LRRC46: variants seen among roughly 807,000 people sequenced by gnomAD.
The protein encoded by LRRC46 is leucine-rich repeat-containing protein 46.
A neutral mutation model predicts 28.0 loss-of-function variants in LRRC46; 20 were observed. The ratio of observed to expected loss-of-function variants is 0.71; its 90% CI spans 0.50 to 1.04. The LOEUF (loss-of-function observed/expected upper bound fraction) is 1.04. LRRC46 is among the 50% of genes least tolerant of loss of function. The probability of loss-of-function intolerance (pLI) is 0.00; values close to 1 mark genes in which losing one functional copy is unlikely to be tolerated. For missense variants in LRRC46, 315 were observed against 390.1 expected, an observed-to-expected ratio of 0.81 and a Z score of 1.62; for synonymous variants, 156 against 158.8, an observed-to-expected ratio of 0.98 and a Z score of 0.13.
Position 47,836,369 on chromosome 17 carries a change from C to A in LRRC46, c.489C>A (p.Asp163Glu). ...LVTEALPLLL[D>E]LDGQPVVERW... is the part of the protein sequence containing the mutation. ...CAGAAGCCCTGCCACTTCTCCTGGA[C>A]CTGGACGGGCAGCCTGTGGTGGAGC... The change falls in exon 7 of 8, where the codon GAC (aspartate) becomes GAA (glutamate). Residue 163 changes from aspartate (D) to glutamate (E), a missense_variant. Physicochemically the swap from Asp to Glu is conservative, Grantham distance 45. Transcript: ENST00000269025. The surrounding 1 kb of genome is among the most constrained non-coding windows in gnomAD (Gnocchi z 5.8). The A allele has an allele frequency of 6.2e-7, 1 of 1,614,136 alleles. No homozygotes were observed.
Position 47,836,464 on chromosome 17 carries a change from G to T in LRRC46, c.584G>T (p.Cys195Phe), listed in dbSNP as rs376286427. ...EEFPELSGPF[C>F]SERGFLKELE... ...TTCCCAGAGCTGAGTGGCCCATTCT[G>T]CTCAGAACGAGGTGACCCTGCTTTC... Residue 195 changes from cysteine (C) to phenylalanine (F), a missense_variant, in exon 7 of 8, where the codon TGC becomes TTC. Coordinates refer to ENST00000269025, the MANE Select transcript of LRRC46 (RefSeq NM_033413.4). The surrounding 1 kb of genome is among the most constrained non-coding windows in gnomAD (Gnocchi z 5.8). 1.2e-6 allele frequency: 2 copies of T among 1,613,950 alleles called. No individual in the cohort carries two copies. The highest frequency in any genetic ancestry group is 2.7e-5 in the African/African-American group (2 of 74,902).
At position 47,832,144 on chromosome 17, in the gene LRRC46, GA is replaced by G; in HGVS notation, c.57del (p.Ala20ProfsTer8). On this transcript the variant is annotated frameshift_variant, in exon 2 of 8. Transcript: ENST00000269025. LOFTEE classifies it high-confidence loss of function. The stretch of plus-strand genomic sequence containing the variant: ...AGAGGAAGGGGGCGTCTGCATCACT[GA>G]AGCCCTTATCACTAAGCGGAACTTG... ...GPEEGGVCIT[E>X]ALITKRNLTF... 6.2e-7 allele frequency: 1 copy of G among 1,609,062 alleles called. No homozygotes were observed.
rs989943646 is a variant in LRRC46 at position 47,837,243 on chromosome 17, T to C, written c.*123T>C. ...CTCTAGGCCCTGAGTATGCTTTTCA[T>C]GTCACTTGGGGTATCTCAGGGGAAG... On this transcript the variant is annotated 3_prime_UTR_variant, in exon 8 of 8. Coordinates refer to ENST00000269025, the MANE Select transcript of LRRC46 (RefSeq NM_033413.4). 2 of 1,343,576 alleles carry C rather than the reference T, an allele frequency of 1.5e-6. No homozygotes were observed. Among genetic ancestry groups the C allele is most frequent in the African/African-American group, 1.5e-5 (1 of 67,782 alleles). The allele number at this position is 1,343,576 out of a possible 1,614,324, so 83.2% of individuals were successfully genotyped here.
Position 47,837,225 on chromosome 17 carries a change from C to A in LRRC46, c.*105C>A. On this transcript the variant is annotated 3_prime_UTR_variant, in exon 8 of 8. Transcript: ENST00000269025. ...CCATCCCCAGTAAAGTGTCTCTAGG[C>A]CCTGAGTATGCTTTTCATGTCACTT... is the stretch of plus-strand genomic sequence containing the variant. 3 of 1,454,326 alleles carry A rather than the reference C, an allele frequency of 2.1e-6. No homozygotes were observed. Among genetic ancestry groups the A allele is most frequent in the Non-Finnish European group, 2.8e-6 (3 of 1,081,448 alleles). 90.1% of individuals were successfully genotyped at this position (1,454,326 alleles called of 1,614,324 possible).
In LRRC46 at chr17:47,836,922, A is replaced by C; in HGVS notation, c.768A>C (p.Gln256His). The C allele has an allele frequency of 6.2e-7, 1 of 1,613,730 alleles. No homozygotes were observed. Among genetic ancestry groups the C allele is most frequent in the Non-Finnish European group, 8.5e-7 (1 of 1,179,950 alleles). ...GDSSPSATPA[Q>H]GEETVPEAVS... is the part of the protein sequence containing the mutation. Reference sequence around the variant, plus strand: ...GCAGCCCTTCTGCCACTCCTGCGCAAGGGGAGGAGACAGTCCCTGAGGCCG... The same window carrying C: ...GCAGCCCTTCTGCCACTCCTGCGCACGGGGAGGAGACAGTCCCTGAGGCCG... The change falls in exon 8 of 8, where the codon CAA becomes CAC. Residue 256 changes from glutamine to histidine, a missense_variant. Physicochemically the swap from Gln to His is conservative, Grantham distance 24 (BLOSUM62 0). Coordinates refer to ENST00000269025, the MANE Select transcript of LRRC46 (RefSeq NM_033413.4). The surrounding 1 kb of genome is among the most constrained non-coding windows in gnomAD (Gnocchi z 5.8).
chr17:47,831,896 C>T lies in LRRC46; in HGVS notation c.-94C>T. 1.3e-6 allele frequency: 2 copies of T among 1,537,818 alleles called. No homozygotes were observed. The highest frequency in any genetic ancestry group is 2.3e-5 in the South Asian group (2 of 88,510). On this transcript the variant is annotated 5_prime_UTR_variant, in exon 1 of 8. Transcript: ENST00000269025. Reference sequence around the variant, plus strand: ...CTAAGTCTCTGAGTTTCTCTCTCCTCCTGCCATCCTGAGTTCTGCCATCCT... The same window carrying T: ...CTAAGTCTCTGAGTTTCTCTCTCCTTCTGCCATCCTGAGTTCTGCCATCCT...
intron 5 of LRRC46, 37 bp downstream of exon 5, chr17:47,835,812 C>G: frequency 6.4e-7 from 1 of 1,553,980 alleles, no homozygotes; most frequent in Non-Finnish European, 8.9e-7. Flanking sequence ...CAAACACATC[C>G]CCTGTGGGGC....
At chr17:47,833,327 A>ATTCTTTCTTTCTTTCT (rs368178077) in intron 2 of LRRC46, among the ~76,000 whole-genome samples, 6 of 149,740 alleles carry the variant, frequency 4.0e-5, no homozygotes, top group African/African-American at 1.5e-4. Context: ...GTTTGGCCTT[A>ATTCTTTCTTTCTTTCT]TTCTTTCTTT....
intron 2 of LRRC46, chr17:47,833,748 CTCTT>C: frequency 1.2e-5 from 1 of 83,464 alleles, no homozygotes; most frequent in African/African-American, 2.9e-5. Context: ...CTCGCCCAGC[CTCTT>C]TTTTTTTTTT....
rs1027833569 is a variant in LRRC46 at position 47,836,622 on chromosome 17, G to A, written c.596-128G>A. On this transcript the variant is annotated intron_variant, in intron 7 of 7. Coordinates refer to ENST00000269025, the MANE Select transcript of LRRC46 (RefSeq NM_033413.4). The surrounding 1 kb of genome is among the most constrained non-coding windows in gnomAD (Gnocchi z 5.8). Reference sequence around the variant, plus strand: ...GGGCCAGAGCCAGGTGTCAGTCCTGGGCCCCAGCCTCAGGCTCCTTCCCAC... The same window carrying A: ...GGGCCAGAGCCAGGTGTCAGTCCTGAGCCCCAGCCTCAGGCTCCTTCCCAC... The A allele has an allele frequency of 2.0e-6, 3 of 1,491,766 alleles. No individual in the cohort carries two copies. The South Asian group carries it at 3.9e-5, about 19-fold the overall frequency. 92.4% of individuals were successfully genotyped at this position (1,491,766 alleles called of 1,614,324 possible).
rs566800831 is a variant in LRRC46, at chr17:47,832,056, T to G, written c.11-44T>G. 462 of 1,613,880 alleles carry G rather than the reference T, an allele frequency of 2.9e-4. 8 individuals are homozygous for G. In the South Asian group the frequency reaches 4.9e-3, roughly 17 times the overall value. ...AGTTGGAAAACAGCGGGGTAAGGCCTCCAAGAGTGAGGAAGTGTCACAGTT... is the reference window on the plus strand; with the variant it reads ...AGTTGGAAAACAGCGGGGTAAGGCCGCCAAGAGTGAGGAAGTGTCACAGTT... On this transcript the variant is annotated intron_variant, in intron 1 of 7. Transcript: ENST00000269025.
rs751081841 is a variant in LRRC46 at position 47,836,962 on chromosome 17, GCC to G, written c.809_810del (p.Ala270ValfsTer37). 6.2e-7 allele frequency: 1 copy of G among 1,613,720 alleles called. No individual in the cohort carries two copies. The highest frequency in any genetic ancestry group is 8.5e-7 in the Non-Finnish European group (1 of 1,179,914). On this transcript the variant is annotated frameshift_variant, in exon 8 of 8. Coordinates refer to ENST00000269025, the MANE Select transcript of LRRC46 (RefSeq NM_033413.4). LOFTEE classifies it low-confidence loss of function (END_TRUNC). The surrounding 1 kb of genome is among the most constrained non-coding windows in gnomAD (Gnocchi z 5.8). ...TVPEAVSSPQ[A>X]SSPTKKPCSL... ...CCCTGAGGCCGTCTCCTCACCCCAG[GCC>G]TCCTCTCCCACCAAGAAACCATGCA...
intron 2 of LRRC46, among the ~76,000 whole-genome samples, chr17:47,832,722 G>C (rs1488395562): frequency 6.6e-6 from 1 of 152,194 alleles, no homozygotes; most frequent in Non-Finnish European, 1.5e-5. Flanking sequence ...TACTTTTTTA[G>C]AGATGGGGTC....
chr17:47,831,898 T>C lies in LRRC46; in HGVS notation c.-92T>C. The stretch of plus-strand genomic sequence containing the variant: ...AAGTCTCTGAGTTTCTCTCTCCTCC[T>C]GCCATCCTGAGTTCTGCCATCCTTA... On this transcript the variant is annotated 5_prime_UTR_variant, in exon 1 of 8. Coordinates refer to ENST00000269025, the MANE Select transcript of LRRC46 (RefSeq NM_033413.4). The C allele has an allele frequency of 6.5e-7, 1 of 1,546,550 alleles. No homozygotes were observed. The highest frequency in any genetic ancestry group is 1.7e-5 in the Admixed American group (1 of 58,292).
Position 47,835,369 on chromosome 17 carries a change from T to C in LRRC46, c.242T>C (p.Ile81Thr), listed in dbSNP as rs1173281626. The C allele has an allele frequency of 1.2e-6, 2 of 1,614,158 alleles. No homozygotes were observed. The highest frequency in any genetic ancestry group is 1.7e-6 in the Non-Finnish European group (2 of 1,180,038). Residue 81 changes from isoleucine (I) to threonine (T), a missense_variant, in exon 4 of 8, where the codon ATT becomes ACT. Physicochemically the swap from Ile to Thr is moderately conservative, Grantham distance 89. Coordinates refer to ENST00000269025, the MANE Select transcript of LRRC46 (RefSeq NM_033413.4). ...LYLQGNKIQQIENLACIPSLR... is the reference protein window; with the variant it reads ...LYLQGNKIQQTENLACIPSLR... ...TTCTTGCAGAATAAGATCCAGCAAA[T>C]TGAGAACCTGGCTTGCATCCCCTCC...
At chr17:47,833,828 G>A in intron 2 of LRRC46, 1 of 513,224 alleles carries the variant, frequency 1.9e-6, no homozygotes, top group Non-Finnish European at 2.5e-6. Flanking sequence ...ATGGCACACT[G>A]CAGCCTCGAC....
At chr17:47,834,224 T>C (rs1042926950) in intron 2 of LRRC46, among the ~76,000 whole-genome samples, 1 of 152,036 alleles carries the variant, frequency 6.6e-6, no homozygotes, top group Non-Finnish European at 1.5e-5. Context: ...GTGCTAACAA[T>C]AGAGATACGA....
At position 47,837,370 on chromosome 17, in the gene LRRC46, A is replaced by C; in HGVS notation, c.*250A>C. Reference sequence around the variant, plus strand: ...TTCGGGAGCTACCCACAGGGCAGGCATGCCTCAGGCCCCCGCTGGCTTCCT... The same window carrying C: ...TTCGGGAGCTACCCACAGGGCAGGCCTGCCTCAGGCCCCCGCTGGCTTCCT... On this transcript the variant is annotated 3_prime_UTR_variant, in exon 8 of 8. Transcript: ENST00000269025. 1 of 523,360 alleles carries C rather than the reference A, an allele frequency of 1.9e-6. No individual in the cohort carries two copies. Among genetic ancestry groups the C allele is most frequent in the African/African-American group, 2.0e-5 (1 of 50,118 alleles). 32.4% of individuals were successfully genotyped at this position (523,360 alleles called of 1,614,324 possible).
Position 47,837,403 on chromosome 17 carries a change from AC to A in LRRC46, c.*284del. 2.2e-6 allele frequency: 1 copy of A among 454,880 alleles called. No homozygotes were observed. Among genetic ancestry groups the A allele is most frequent in the Non-Finnish European group, 3.8e-6 (1 of 259,874 alleles). 28.2% of individuals were successfully genotyped at this position (454,880 alleles called of 1,614,324 possible). ...GGCCCCCGCTGGCTTCCTGGCTCCC[AC>A]TTGGGCAGGAAGCGGGCACCACCTC... On this transcript the variant is annotated 3_prime_UTR_variant, in exon 8 of 8. Transcript: ENST00000269025.
Sources: allele counts gnomAD v4.1 joint callset (sites outside exome capture counted in the v4.1 genomes callset), GRCh38; gene constraint gnomAD v4.1.1; non-coding constraint Gnocchi (gnomAD v3.1); transcripts MANE v1.5; gene names NCBI Gene and HGNC (gene_info 2026-07-23, HGNC 2026-07-21).